The following SYT10 variants were observed in gnomAD, a reference collection of about 807,000 sequenced individuals.
SYT10 encodes synaptotagmin 10, also known as synaptotagmin-10.
In SYT10, 31 loss-of-function variants were observed where a neutral mutation model predicts 51.1. The observed-to-expected ratio is 0.61, with a 90% CI of 0.46 to 0.82. The LOEUF is 0.82. Ranked by LOEUF, SYT10 falls within the 40% of genes least tolerant of loss-of-function variation. The pLI, the probability that SYT10 is intolerant of heterozygous loss-of-function variation, is 0.00. For missense variants in SYT10, 603 were observed against 634.0 expected (o/e 0.95, Z 0.53); for synonymous variants, 233 against 225.9 (o/e 1.03, Z -0.28).
At position 33,377,087 on chromosome 12, in the gene SYT10, C is replaced by T. The variant is rs1482340613; in HGVS notation, c.1501-186G>A. ...CTACCATGAAGGGACATGGATGTCT[C>T]ATAGAATGTAGGCAGAGCATGGTAC... On this transcript the variant is annotated intron_variant, in intron 6 of 6. Transcript: ENST00000228567. Among the ~76,000 whole-genome samples, 8 of 152,286 alleles carry T rather than the reference C, an allele frequency of 5.3e-5. No individual in the cohort carries two copies. The South Asian group carries it at 1.7e-3, about 32-fold the overall frequency.
intron 2 of SYT10, among the ~76,000 whole-genome samples, chr12:33,415,062 T>TTAAA (rs1866441413): frequency 6.6e-6 from 1 of 152,192 alleles, no homozygotes; most frequent in Non-Finnish European, 1.5e-5. Context: ...AAGAAAGTGT[T>TTAAA]TAAAGACTTT....
intron 2 of SYT10, among the ~76,000 whole-genome samples, chr12:33,412,650 A>G (rs1866416857): frequency 6.6e-6 from 1 of 152,190 alleles, no homozygotes; most frequent in East Asian, 1.9e-4. Context: ...AAACCAACAA[A>G]CAGAAAGGAC....
intron 2 of SYT10, among the ~76,000 whole-genome samples, chr12:33,422,497 T>TG (rs1866513944): frequency 1.3e-5 from 2 of 151,816 alleles, no homozygotes; most frequent in African/African-American, 2.4e-5. Flanking sequence ...CTACAAATAT[T>TG]TTTTTTTGAC....
intron 2 of SYT10, among the ~76,000 whole-genome samples, chr12:33,410,849 G>T (rs1443367162): frequency 3.9e-5 from 6 of 152,138 alleles, no homozygotes; most frequent in Admixed American, 3.9e-4. Flanking sequence ...AAAAAATACA[G>T]AAATATACAC....
Position 33,385,236 on chromosome 12 carries a change from C to A in SYT10, c.1133G>T (p.Gly378Val). The A allele has an allele frequency of 1.2e-6, 2 of 1,613,712 alleles. No homozygotes were observed. Among genetic ancestry groups the A allele is most frequent in the Non-Finnish European group, 1.7e-6 (2 of 1,179,814 alleles). The change falls in exon 4 of 7, where the codon GGG (glycine) becomes GTG (valine). Residue 378 changes from glycine (G) to valine (V), a missense_variant. Coordinates refer to ENST00000228567, the MANE Select transcript of SYT10 (RefSeq NM_198992.4). ...CTTAATGACTGTCAATGTCATACGC[C>A]CAGCCGTCGGTAGGTAACAAAGGGA... Reference protein sequence around the residue: ...MFSLCYLPTAGRMTLTVIKCR... With the variant: ...MFSLCYLPTAVRMTLTVIKCR...
chr12:33,413,483 T>G (rs1283274047), intron 2 of SYT10, among the ~76,000 whole-genome samples: 2 of 152,132 alleles, frequency 1.3e-5, no homozygotes, highest in African/African-American at 4.8e-5. Context: ...ACAGTGGATC[T>G]CTCGGCAGAA....
rs1866670905 is a variant in SYT10 at position 33,439,808 on chromosome 12, C to T, written c.-286G>A. ...GCCGAGGCGCGCTGGAACTAGAGAC[C>T]CGGCATGGAGTGCTGAGGGGAGGGG... is the stretch of plus-strand genomic sequence containing the variant. On this transcript the variant is annotated 5_prime_UTR_variant, in exon 1 of 7. Transcript: ENST00000228567. 1.1e-5 allele frequency: 5 copies of T among 443,484 alleles called. No homozygotes were observed. 27.5% of individuals were successfully genotyped at this position (443,484 alleles called of 1,614,324 possible). A position where few individuals can be genotyped will look rare whatever the true frequency, so the allele number is the denominator to read the frequency against.
intron 2 of SYT10, among the ~76,000 whole-genome samples, chr12:33,424,606 CT>C (rs1866533699): frequency 6.6e-6 from 1 of 151,910 alleles, no homozygotes; most frequent in African/African-American, 2.4e-5. Flanking sequence ...CAGTTTTCCC[CT>C]ATAGGTATAG....
chr12:33,418,690 G>A (rs1866475640), intron 2 of SYT10, among the ~76,000 whole-genome samples: 1 of 152,052 alleles, frequency 6.6e-6, no homozygotes, highest in Admixed American at 6.5e-5. Flanking sequence ...TCATCTATCA[G>A]GATGGTCTGT....
Position 33,406,970 on chromosome 12 carries a change from G to A in SYT10, c.896C>T (p.Thr299Ile). 3 of 1,614,104 alleles carry A rather than the reference G, an allele frequency of 1.9e-6. No homozygotes were observed. The highest frequency in any genetic ancestry group is 2.5e-6 in the Non-Finnish European group (3 of 1,180,014). Residue 299 changes from threonine (T) to isoleucine (I), a missense_variant, in exon 3 of 7, where the codon ACT (threonine) becomes ATT (isoleucine). Physicochemically the swap from Thr to Ile is moderately conservative, Grantham distance 89 (BLOSUM62 -1). Coordinates refer to ENST00000228567, the MANE Select transcript of SYT10 (RefSeq NM_198992.4). ...RKTLNPLFDE[T>I]FQFPVAYDQL... ...ATCATATGCTACAGGAAATTGAAAA[G>A]TTTCATCAAATAGAGGATTTAAAGT...
At chr12:33,410,685 G>A (rs1469421836) in intron 2 of SYT10, among the ~76,000 whole-genome samples, 1 of 152,038 alleles carries the variant, frequency 6.6e-6, no homozygotes, top group Admixed American at 6.6e-5. Context: ...TTAGTGTGCT[G>A]TCACAGAGAA....
At chr12:33,392,566 T>G (rs147111583) in intron 3 of SYT10, among the ~76,000 whole-genome samples, 36 of 152,200 alleles carry the variant, frequency 2.4e-4, no homozygotes, top group Middle Eastern at 3.4e-3. Flanking sequence ...GATTACTGGA[T>G]TTTTTACATC....
chr12:33,401,220 C>A (rs1179335182), intron 3 of SYT10, among the ~76,000 whole-genome samples: 7 of 152,018 alleles, frequency 4.6e-5, no homozygotes, highest in Non-Finnish European at 4.4e-5. Context: ...ACTAAATTCC[C>A]GTGTGTCTTT....
intron 2 of SYT10, among the ~76,000 whole-genome samples, chr12:33,417,703 G>A (rs1460818015): frequency 6.6e-6 from 1 of 152,082 alleles, no homozygotes; most frequent in Admixed American, 6.5e-5. Context: ...ATACTCATTT[G>A]CACATGTGCA....
At chr12:33,395,703 A>T (rs977833684) in intron 3 of SYT10, among the ~76,000 whole-genome samples, 1 of 152,232 alleles carries the variant, frequency 6.6e-6, no homozygotes, top group Admixed American at 6.5e-5. Flanking sequence ...TATCAGTCAC[A>T]GTTTTACAAG....
chr12:33,378,822 G>A (rs1476500885), intron 6 of SYT10, among the ~76,000 whole-genome samples: 1 of 147,724 alleles, frequency 6.8e-6, no homozygotes, highest in African/African-American at 2.6e-5. Context: ...ATCTGTGTGT[G>A]TGTGTGTGTG....
intron 2 of SYT10, among the ~76,000 whole-genome samples, chr12:33,423,412 G>A (rs1866523071): frequency 6.6e-6 from 1 of 151,994 alleles, no homozygotes; most frequent in Non-Finnish European, 1.5e-5. Flanking sequence ...CATTTGAGCA[G>A]AATAATTTGA....
At position 33,411,413 on chromosome 12, in the gene SYT10, T is replaced by C. The variant is rs537703751; in HGVS notation, c.510-4057A>G. 6.4e-4 allele frequency among the ~76,000 whole-genome samples: 98 copies of C among 152,266 alleles called. 1 individual carries two copies. The highest frequency in any genetic ancestry group is 7.7e-4 in the East Asian group (4 of 5,188). On this transcript the variant is annotated intron_variant, in intron 2 of 6. Coordinates refer to ENST00000228567, the MANE Select transcript of SYT10 (RefSeq NM_198992.4). ...TGGAAGGGAGCACAAATGTTTAATT[T>C]GTAAATGAAATTATGATCAGACCAT...
intron 1 of SYT10, among the ~76,000 whole-genome samples, chr12:33,435,925 T>G (rs1391417800): frequency 6.6e-6 from 1 of 152,224 alleles, no homozygotes; most frequent in Non-Finnish European, 1.5e-5. Context: ...TAGAAGAATT[T>G]GTCTAAATTT....
Sources: gnomAD v4.1 joint callset for allele counts (sites outside exome capture counted in the v4.1 genomes callset) on GRCh38, gnomAD v4.1.1 for gene constraint, MANE v1.5 for transcripts, NCBI Gene and HGNC (gene_info 2026-07-23, HGNC 2026-07-21) for gene names.